PCMTD2: variants seen among roughly 807,000 people sequenced by gnomAD.
PCMTD2 encodes the protein protein-L-isoaspartate O-methyltransferase domain-containing protein 2.
Under a neutral mutation model 33.4 loss-of-function variants are expected in PCMTD2, and 16 were observed. That is an observed-to-expected ratio of 0.48 (90% CI 0.32 to 0.73). The LOEUF (loss-of-function observed/expected upper bound fraction) is 0.73. Among genes scored for constraint, PCMTD2 ranks in the 30% least tolerant of loss-of-function variants. PCMTD2 has a pLI of 0.03. For missense variants in PCMTD2, 374 were observed against 449.9 expected, an observed-to-expected ratio of 0.83 and a Z score of 1.53; for synonymous variants, 161 against 160.8, an observed-to-expected ratio of 1.00 and a Z score of -0.01.
In PCMTD2 at chr20:64,257,930, C is replaced by G. The variant is rs144627001; in HGVS notation, c.-24-2012C>G. Reference sequence around the variant, plus strand: ...TTGTGAAGTGTAAATGAGGCCATGACTGGCAGGTGGTACCTGGAAAAAGGT... The same window carrying G: ...TTGTGAAGTGTAAATGAGGCCATGAGTGGCAGGTGGTACCTGGAAAAAGGT... On this transcript the variant is annotated intron_variant, in intron 1 of 5. Transcript: ENST00000308824. Among the ~76,000 whole-genome samples, 219 of 152,340 alleles carry G rather than the reference C, an allele frequency of 1.4e-3. 1 individual carries two copies. Among genetic ancestry groups the G allele is most frequent in the African/African-American group, 5.2e-3 (216 of 41,578 alleles).
chr20:64,260,233 G>C lies in PCMTD2; in HGVS notation c.268G>C (p.Gly90Arg). The change falls in exon 2 of 6, where the codon GGC (glycine) becomes CGC (arginine). Residue 90 changes from glycine (G) to arginine (R), a missense_variant. Transcript: ENST00000308824. Reference sequence around the variant, plus strand: ...ACTCTCGTTTCTGAACCTGGGCAGTGGCACTGGGTATCTCAGCTCCATGGT... The same window carrying C: ...ACTCTCGTTTCTGAACCTGGGCAGTCGCACTGGGTATCTCAGCTCCATGGT... ...PGLSFLNLGS[G>R]TGYLSSMVGL... is the part of the protein sequence containing the mutation. 6.2e-7 allele frequency: 1 copy of C among 1,613,838 alleles called. No homozygotes were observed. The highest frequency in any genetic ancestry group is 1.1e-5 in the South Asian group (1 of 91,068).
chr20:64,270,184 A>G (rs1360208573), intron 5 of PCMTD2, among the ~76,000 whole-genome samples: 2 of 105,502 alleles, frequency 1.9e-5, no homozygotes, highest in Non-Finnish European at 3.8e-5. Flanking sequence ...GTGGGTGTGC[A>G]CGGTGTGGGG....
Position 64,274,773 on chromosome 20 carries a change from C to G in PCMTD2, c.*1173C>G, listed in dbSNP as rs1473345610. ...TTCTCTGGGCCTTGTGTGTGGAGAG[C>G]TTTCTATCTTACCAAGTGGTAGGGC... On this transcript the variant is annotated 3_prime_UTR_variant, in exon 6 of 6. Transcript: ENST00000308824. 6.6e-6 allele frequency: 1 copy of G among 152,190 alleles called. No homozygotes were observed. The highest frequency in any genetic ancestry group is 1.5e-5 in the Non-Finnish European group (1 of 68,032). The allele number at this position is 152,190 out of a possible 1,614,324, so 9.4% of individuals were successfully genotyped here.
At position 64,273,635 on chromosome 20, in the gene PCMTD2, G is replaced by C. The variant is rs1203869758; in HGVS notation, c.*35G>C. The C allele has an allele frequency of 2.0e-6, 3 of 1,506,968 alleles. No homozygotes were observed. Among genetic ancestry groups the C allele is most frequent in the Non-Finnish European group, 2.7e-6 (3 of 1,130,498 alleles). The allele number at this position is 1,506,968 out of a possible 1,614,324, so 93.3% of individuals were successfully genotyped here. A position where few individuals can be genotyped will look rare whatever the true frequency, so the allele number is the denominator to read the frequency against. On this transcript the variant is annotated 3_prime_UTR_variant, in exon 6 of 6. Coordinates refer to ENST00000308824, the MANE Select transcript of PCMTD2 (RefSeq NM_018257.3). ...TTGAAAGGGGGAAATAGGAAGAGCA[G>C]ATTGCTGAGTGTGAAGTTCGTGCTG...
chr20:64,273,109 T>C, intron 5 of PCMTD2, 112 bp from the exon 6 acceptor site: 4 of 809,982 alleles, frequency 4.9e-6, no homozygotes, highest in Non-Finnish European at 7.9e-6. Flanking sequence ...TCTTGTAACA[T>C]ATTCATAAAT....
chr20:64,259,813 T>G, intron 1 of PCMTD2, 129 bp from the exon 2 acceptor site: 1 of 578,166 alleles, frequency 1.7e-6, no homozygotes, highest in East Asian at 2.9e-5. Flanking sequence ...GGGGATGAGG[T>G]GGGTGTTGAC....
intron 4 of PCMTD2, 195 bp downstream of exon 4, chr20:64,265,624 C>T (rs1311216915): frequency 4.7e-6 from 2 of 425,474 alleles, no homozygotes; most frequent in Non-Finnish European, 8.2e-6. Flanking sequence ...GTGGGTGCTT[C>T]AGAGCCTGCA....
chr20:64,269,236 C>A (rs953328638), intron 5 of PCMTD2, among the ~76,000 whole-genome samples: 1 of 152,208 alleles, frequency 6.6e-6, no homozygotes, highest in African/African-American at 2.4e-5. Context: ...AAAGTCTCAT[C>A]AGAATAACCT....
chr20:64,264,597 A>G (rs1032533044), intron 3 of PCMTD2, 66 bp downstream of exon 3: 20 of 806,268 alleles, frequency 2.5e-5, no homozygotes, highest in Non-Finnish European at 4.1e-5. Flanking sequence ...TTTTGATCAG[A>G]TAGAAAGAAA....
chr20:64,265,270 T>C lies in PCMTD2; in HGVS notation c.423T>C (p.Cys141=), dbSNP rs1484242217. The C allele has an allele frequency of 6.2e-7, 1 of 1,602,478 alleles. No individual in the cohort carries two copies. Among genetic ancestry groups the C allele is most frequent in the Non-Finnish European group, 8.5e-7 (1 of 1,176,092 alleles). ...TTTTTACTTCCAGGTTTGACTTCTG[T>C]GAACCTTCCTTTGTTACTGGGAATT... ...TSDSFDKFDF[C]EPSFVTGNCL... is the part of the protein sequence containing the mutation. The change falls in exon 4 of 6, where the codon TGT becomes TGC. Residue 141 remains cysteine (C), a synonymous_variant. Transcript: ENST00000308824.
At position 64,273,886 on chromosome 20, in the gene PCMTD2, G is replaced by A. The variant is rs1986013990; in HGVS notation, c.*286G>A. 2 of 292,922 alleles carry A rather than the reference G, an allele frequency of 6.8e-6. No homozygotes were observed. The highest frequency in any genetic ancestry group is 2.2e-4 in the South Asian group (2 of 9,010). The allele number at this position is 292,922 out of a possible 1,614,324, so 18.1% of individuals were successfully genotyped here. ...AAAAGAGAAGGCTGTTTCTTTTTCG[G>A]CTCTGACGAAACACTGAAGTCTGCG... is the stretch of plus-strand genomic sequence containing the variant. On this transcript the variant is annotated 3_prime_UTR_variant, in exon 6 of 6. Transcript: ENST00000308824.
intron 1 of PCMTD2, among the ~76,000 whole-genome samples, chr20:64,256,386 C>T (rs542291215): frequency 2.0e-5 from 3 of 152,298 alleles, no homozygotes; most frequent in South Asian, 4.1e-4. Flanking sequence ...GAGAACTTGC[C>T]TGAGCTTCGG....
At chr20:64,262,084 C>T (rs1268271843) in intron 2 of PCMTD2, among the ~76,000 whole-genome samples, 2 of 152,044 alleles carry the variant, frequency 1.3e-5, no homozygotes, top group African/African-American at 4.8e-5. Flanking sequence ...GAAACCCTGT[C>T]CCTACCAAAA....
At position 64,259,977 on chromosome 20, in the gene PCMTD2, T is replaced by A; in HGVS notation, c.12T>A (p.Ala4=). The part of the protein sequence containing the change: MGG[A]VSAGEDNDEL... ...GTGTAATCTTGAACATGGGCGGTGC[T>A]GTGAGTGCTGGTGAAGACAATGATG... The change falls in exon 2 of 6, where the codon GCT becomes GCA. Residue 4 remains alanine, a synonymous_variant. Coordinates refer to ENST00000308824, the MANE Select transcript of PCMTD2 (RefSeq NM_018257.3). 1 of 1,609,426 alleles carries A rather than the reference T, an allele frequency of 6.2e-7. No homozygotes were observed. Among genetic ancestry groups the A allele is most frequent in the South Asian group, 1.1e-5 (1 of 91,006 alleles).
chr20:64,257,899 T>G (rs1414207817), intron 1 of PCMTD2, among the ~76,000 whole-genome samples: 2 of 152,256 alleles, frequency 1.3e-5, no homozygotes. Context: ...AATTTGCTTC[T>G]TAATGTTGTG....
Position 64,273,923 on chromosome 20 carries a change from G to C in PCMTD2, c.*323G>C, listed in dbSNP as rs1463837304. 4.5e-6 allele frequency: 1 copy of C among 224,118 alleles called. No homozygotes were observed. Among genetic ancestry groups the C allele is most frequent in the Non-Finnish European group, 8.7e-6 (1 of 115,474 alleles). The allele number at this position is 224,118 out of a possible 1,614,324, so 13.9% of individuals were successfully genotyped here. The stretch of plus-strand genomic sequence containing the variant: ...CACTGAAGTCTGCGTAAGAGAGACT[G>C]TTTGATGACCGTCCCTCATGCAACA... On this transcript the variant is annotated 3_prime_UTR_variant, in exon 6 of 6. Coordinates refer to ENST00000308824, the MANE Select transcript of PCMTD2 (RefSeq NM_018257.3).
intron 1 of PCMTD2, 158 bp from the exon 2 acceptor site, chr20:64,259,784 G>C (rs1051427466): frequency 1.1e-5 from 6 of 546,080 alleles, no homozygotes; most frequent in Non-Finnish European, 1.9e-5. Context: ...TTCTAAATCT[G>C]GCATCTCTGG....
At position 64,266,702 on chromosome 20, in the gene PCMTD2, G is replaced by GCTT. The variant is rs547935495; in HGVS notation, c.583-1184_583-1182dup. Among the ~76,000 whole-genome samples the GCTT allele has an allele frequency of 5.3e-5, 8 of 152,266 alleles. No individual in the cohort carries two copies. The South Asian group carries it at 1.7e-3, about 32-fold the overall frequency. ...GCAGAATATTGTTTTAAATGTCTTTGCTTATACAAGTGATATTACAGATCT... is the reference window on the plus strand; with the variant it reads ...GCAGAATATTGTTTTAAATGTCTTTGCTTCTTATACAAGTGATATTACAGATCT... On this transcript the variant is annotated intron_variant, in intron 4 of 5. Coordinates refer to ENST00000308824, the MANE Select transcript of PCMTD2 (RefSeq NM_018257.3).
intron 1 of PCMTD2, 28 bp from the exon 2 acceptor site, chr20:64,259,914 C>T (rs754833983): frequency 4.5e-5 from 51 of 1,130,142 alleles, no homozygotes; most frequent in Middle Eastern, 2.0e-4. Flanking sequence ...TAACATAAAT[C>T]GCTCTTTTTA....
Sources: gnomAD v4.1 joint callset for allele counts (sites outside exome capture counted in the v4.1 genomes callset) on GRCh38, gnomAD v4.1.1 for gene constraint, MANE v1.5 for transcripts, NCBI Gene and HGNC (gene_info 2026-07-23, HGNC 2026-07-21) for gene names.